The following FAF1 variants were observed in gnomAD, a reference collection of about 807,000 sequenced individuals.
The protein encoded by FAF1 is FAS-associated factor 1.
FAF1 carries 25 observed loss-of-function variants against 92.5 expected under a neutral mutation model. The ratio of observed to expected loss-of-function variants is 0.27; its 90% confidence interval spans 0.20 to 0.38. FAF1 has a LOEUF of 0.38. Among genes scored for constraint, FAF1 ranks in the 10% least tolerant of loss-of-function variants. The pLI, the probability that FAF1 is intolerant of heterozygous loss-of-function variation, is 1.00. For missense variants in FAF1, 636 were observed against 793.3 expected (o/e 0.80, Z 2.38); for synonymous variants, 234 against 273.2 (o/e 0.86, Z 1.42).
At chr1:50,889,108 G>A (rs1161957911) in intron 1 of FAF1, among the ~76,000 whole-genome samples, 2 of 152,128 alleles carry the variant, frequency 1.3e-5, no homozygotes, top group Non-Finnish European at 2.9e-5. Flanking sequence ...TGTATGTATC[G>A]AGGAATTTAA....
chr1:50,540,066 G>A (rs554381034), intron 13 of FAF1, among the ~76,000 whole-genome samples: 47 of 152,038 alleles, frequency 3.1e-4, no homozygotes, highest in African/African-American at 1.1e-3. Flanking sequence ...CCGCCTCCCG[G>A]GTTCAAGCAA....
chr1:50,683,765 T>G (rs1308163577), intron 7 of FAF1, among the ~76,000 whole-genome samples: 2 of 151,616 alleles, frequency 1.3e-5, no homozygotes, highest in Non-Finnish European at 1.5e-5. Context: ...AAACCCCGTC[T>G]CTACTAAAAA....
At chr1:50,924,593 G>C (rs763383776) in intron 1 of FAF1, among the ~76,000 whole-genome samples, 3 of 152,106 alleles carry the variant, frequency 2.0e-5, no homozygotes, top group Non-Finnish European at 2.9e-5. Flanking sequence ...AATAGACCCT[G>C]AATAGCCAAA....
intron 4 of FAF1, among the ~76,000 whole-genome samples, chr1:50,753,094 A>G (rs1392900697): frequency 6.6e-6 from 1 of 152,204 alleles, no homozygotes; most frequent in African/African-American, 2.4e-5. Flanking sequence ...GAATCCAACA[A>G]TGAAATCACC....
chr1:50,495,428 C>T (rs769882460), intron 15 of FAF1, among the ~76,000 whole-genome samples: 8 of 152,168 alleles, frequency 5.3e-5, no homozygotes, highest in Non-Finnish European at 1.0e-4. Context: ...CATGTTGTTG[C>T]AAATCACAGG....
At chr1:50,452,219 AAAAG>A (rs1646301950) in intron 18 of FAF1, 1 of 1,223,050 alleles carries the variant, frequency 8.2e-7, no homozygotes. Context: ...TCAAGCAAAT[AAAAG>A]AAAGTCCCGC....
Position 50,474,622 on chromosome 1 carries a change from C to T in FAF1, c.1869+842G>A, listed in dbSNP as rs945430590. Among the ~76,000 whole-genome samples, 9 of 152,100 alleles carry T rather than the reference C, an allele frequency of 5.9e-5. No individual in the cohort carries two copies. In the South Asian group the frequency reaches 1.2e-3, roughly 21 times the overall value. On this transcript the variant is annotated intron_variant, in intron 18 of 18. Coordinates refer to ENST00000396153, the MANE Select transcript of FAF1 (RefSeq NM_007051.3). ...CTAGCTTTTTTGTTGGCAGCCACAA[C>T]GCGTTATTAACGTGTATTCAGCTTA... is the stretch of plus-strand genomic sequence containing the variant.
At chr1:50,671,135 T>C (rs1350549311) in intron 7 of FAF1, among the ~76,000 whole-genome samples, 1 of 152,192 alleles carries the variant, frequency 6.6e-6, no homozygotes, top group African/African-American at 2.4e-5. Context: ...CCGGGCACAG[T>C]GGCTCATGCC....
chr1:50,725,841 A>G (rs1339239462), intron 6 of FAF1, among the ~76,000 whole-genome samples: 3 of 152,220 alleles, frequency 2.0e-5, no homozygotes, highest in African/African-American at 7.2e-5. Flanking sequence ...CTGCTTGAAC[A>G]AACAGCACTA....
chr1:50,742,522 T>C (rs1659430222), intron 5 of FAF1, among the ~76,000 whole-genome samples: 1 of 152,100 alleles, frequency 6.6e-6, no homozygotes, highest in Non-Finnish European at 1.5e-5. Flanking sequence ...CAGCTGGGAA[T>C]ACAGGTGTGC....
At chr1:50,957,353 T>C (rs1570189192) in intron 1 of FAF1, among the ~76,000 whole-genome samples, 10 of 103,556 alleles carry the variant, frequency 9.7e-5, no homozygotes, top group Middle Eastern at 5.3e-3. Flanking sequence ...TTTTCTTTTT[T>C]TTTTTTTTTT....
intron 12 of FAF1, among the ~76,000 whole-genome samples, chr1:50,578,831 C>T (rs970804983): frequency 2.6e-5 from 4 of 151,914 alleles, no homozygotes; most frequent in Admixed American, 2.6e-4. Flanking sequence ...AATAAATGAA[C>T]CTGTTTAGAT....
intron 4 of FAF1, among the ~76,000 whole-genome samples, chr1:50,762,914 G>A (rs111760520): frequency 2.0e-5 from 3 of 152,084 alleles, no homozygotes; most frequent in African/African-American, 7.2e-5. Context: ...CCTACAAAAT[G>A]GGAGAAAATT....
chr1:50,738,829 C>A (rs1354588317), intron 6 of FAF1, 34 bp downstream of exon 6: 1 of 1,370,912 alleles, frequency 7.3e-7, no homozygotes, highest in African/African-American at 1.4e-5. Context: ...CTGAGTTTTT[C>A]ATTTCATGTT....
chr1:50,655,171 G>A (rs560171256), intron 8 of FAF1, among the ~76,000 whole-genome samples: 3 of 151,952 alleles, frequency 2.0e-5, no homozygotes, highest in African/African-American at 4.8e-5. Context: ...AGAGGCGGCC[G>A]CCACCATGCC....
chr1:50,802,634 A>C (rs889600143), intron 2 of FAF1, among the ~76,000 whole-genome samples: 2 of 152,216 alleles, frequency 1.3e-5, no homozygotes, highest in African/African-American at 4.8e-5. Flanking sequence ...AGGCTGTCGA[A>C]TCCTGGAATG....
At chr1:50,797,859 T>C (rs1330124258) in intron 3 of FAF1, among the ~76,000 whole-genome samples, 1 of 152,050 alleles carries the variant, frequency 6.6e-6, no homozygotes, top group African/African-American at 2.4e-5. Flanking sequence ...AATATAAAAA[T>C]AACACCGATT....
intron 13 of FAF1, among the ~76,000 whole-genome samples, chr1:50,552,395 T>C (rs928509405): frequency 6.6e-6 from 1 of 152,112 alleles, no homozygotes; most frequent in African/African-American, 2.4e-5. Context: ...CCAATCGTGG[T>C]CTGAATAAAT....
At chr1:50,938,803 A>G (rs995614478) in intron 1 of FAF1, among the ~76,000 whole-genome samples, 3 of 152,166 alleles carry the variant, frequency 2.0e-5, no homozygotes, top group Non-Finnish European at 4.4e-5. Flanking sequence ...ACAGCTAGTT[A>G]TCCTAGCACC....
Sources: gnomAD v4.1 joint callset for allele counts (sites outside exome capture counted in the v4.1 genomes callset) on GRCh38, gnomAD v4.1.1 for gene constraint, MANE v1.5 for transcripts, NCBI Gene and HGNC (gene_info 2026-07-23, HGNC 2026-07-21) for gene names.